LRP1B: variants seen among roughly 807,000 people sequenced by gnomAD.
LRP1B encodes the protein low-density lipoprotein receptor-related protein 1B.
A neutral mutation model predicts 556.6 loss-of-function variants in LRP1B; 217 were observed. That is an observed-to-expected ratio of 0.39 (90% CI 0.35 to 0.44). The LOEUF (loss-of-function observed/expected upper bound fraction) is 0.44, where lower values mean the gene tolerates loss of function less well. Among genes scored for constraint, LRP1B ranks in the 20% least tolerant of loss-of-function variants. LRP1B has a pLI of 1.00. For missense variants in LRP1B, 5,053 were observed against 5,620.8 expected, an observed-to-expected ratio of 0.90 and a Z score of 3.23; for synonymous variants, 2,047 against 1,865.8, an observed-to-expected ratio of 1.10 and a Z score of -2.50.
intron 1 of LRP1B, among the ~76,000 whole-genome samples, chr2:141,958,266 TGG>T (rs1295026549): frequency 2.0e-5 from 3 of 152,058 alleles, no homozygotes; most frequent in African/African-American, 7.2e-5. Flanking sequence ...AAGAGGCAGC[TGG>T]GTGGCACAGT....
intron 2 of LRP1B, among the ~76,000 whole-genome samples, chr2:141,598,046 G>C (rs1312587742): frequency 6.6e-6 from 1 of 151,464 alleles, no homozygotes; most frequent in Non-Finnish European, 1.5e-5. Context: ...GTATACAGAA[G>C]CTCACGGGAA....
chr2:140,994,735 TA>T (rs1191086175), intron 15 of LRP1B, among the ~76,000 whole-genome samples: 3 of 151,958 alleles, frequency 2.0e-5, no homozygotes, highest in African/African-American at 7.2e-5. Context: ...ATACATACAA[TA>T]AAAATAATGT....
chr2:140,442,636 A>G lies in LRP1B; in HGVS notation c.10295-13T>C. 6.2e-7 allele frequency: 1 copy of G among 1,611,346 alleles called. No homozygotes were observed. The highest frequency in any genetic ancestry group is 1.1e-5 in the South Asian group (1 of 90,480). On this transcript the variant is annotated splice_polypyrimidine_tract_variant and intron_variant, in intron 65 of 90. Transcript: ENST00000389484. ...CAGCTGTTTTCAGCTTAGAAAGAAA[A>G]CTGCCATTAAAATGTAGCTTTGGAG...
chr2:140,649,590 A>G (rs1460897410), intron 41 of LRP1B, among the ~76,000 whole-genome samples: 6 of 152,218 alleles, frequency 3.9e-5, no homozygotes, highest in Non-Finnish European at 8.8e-5. Context: ...AAAGACAAGT[A>G]TCCACTGCTA....
Position 140,233,034 on chromosome 2 carries a change from A to T in LRP1B, c.*152T>A. ...GGTCAATCAATAGTCATCAGCAAAA[A>T]ATAAAACCCAAAAAACTCAGAAAAC... On this transcript the variant is annotated 3_prime_UTR_variant, in exon 91 of 91. Coordinates refer to ENST00000389484, the MANE Select transcript of LRP1B (RefSeq NM_018557.3). 2.0e-6 allele frequency: 1 copy of T among 499,382 alleles called. No individual in the cohort carries two copies. Among genetic ancestry groups the T allele is most frequent in the South Asian group, 5.1e-5 (1 of 19,520 alleles). 30.9% of individuals were successfully genotyped at this position (499,382 alleles called of 1,614,324 possible).
At chr2:141,218,988 G>A (rs893178110) in intron 6 of LRP1B, among the ~76,000 whole-genome samples, 1 of 152,188 alleles carries the variant, frequency 6.6e-6, no homozygotes, top group Non-Finnish European at 1.5e-5. Context: ...CACAGGATAA[G>A]GGGAACTCTC....
intron 18 of LRP1B, among the ~76,000 whole-genome samples, chr2:140,964,305 A>G (rs1696129938): frequency 6.6e-6 from 1 of 152,172 alleles, no homozygotes; most frequent in South Asian, 2.1e-4. Context: ...GCACAGCATC[A>G]CAGGGAGACA....
chr2:141,672,508 A>T (rs764459854), intron 2 of LRP1B, among the ~76,000 whole-genome samples: 4 of 152,176 alleles, frequency 2.6e-5, no homozygotes, highest in Non-Finnish European at 5.9e-5. Flanking sequence ...ATCCTTTGTG[A>T]TTGCAGGACT....
At chr2:140,463,127 A>G (rs948315819) in intron 60 of LRP1B, among the ~76,000 whole-genome samples, 23 of 152,202 alleles carry the variant, frequency 1.5e-4, no homozygotes, top group Non-Finnish European at 1.5e-5. Context: ...ATGGCGGTAG[A>G]AAGTGATTTA....
chr2:140,744,359 C>T (rs541498594), intron 35 of LRP1B, among the ~76,000 whole-genome samples: 11 of 152,022 alleles, frequency 7.2e-5, no homozygotes, highest in Admixed American at 6.6e-4. Context: ...ATGGAAAATT[C>T]GTATTTTGAT....
chr2:141,585,087 T>G (rs60929679), intron 2 of LRP1B, among the ~76,000 whole-genome samples: 10,852 of 152,208 alleles, frequency 0.071, 462 homozygotes, highest in African/African-American at 0.11. Flanking sequence ...AGGAAAAACT[T>G]GTGAAATTAG....
intron 11 of LRP1B, among the ~76,000 whole-genome samples, chr2:141,031,671 T>C (rs1698375433): frequency 1.3e-5 from 2 of 151,970 alleles, no homozygotes; most frequent in Non-Finnish European, 2.9e-5. Context: ...AGACAACTTG[T>C]AGCACACTAG....
chr2:140,442,384 A>C, intron 66 of LRP1B, 120 bp downstream of exon 66: 1 of 1,320,372 alleles, frequency 7.6e-7, no homozygotes, highest in Non-Finnish European at 1.0e-6. Flanking sequence ...ACACAGAGAC[A>C]AAACCTTTTC....
chr2:141,304,585 T>C (rs1686517423), intron 3 of LRP1B, among the ~76,000 whole-genome samples: 2 of 150,534 alleles, frequency 1.3e-5, no homozygotes, highest in South Asian at 4.2e-4. Context: ...GTTCAAGCAA[T>C]TATCCTGCCT....
At chr2:141,197,336 G>T (rs2105216417) in intron 6 of LRP1B, among the ~76,000 whole-genome samples, 1 of 152,226 alleles carries the variant, frequency 6.6e-6, no homozygotes, top group East Asian at 1.9e-4. Context: ...GTTTAGCCTT[G>T]CTGGGGTTCT....
chr2:141,223,682 C>T (rs1240098491), intron 6 of LRP1B, among the ~76,000 whole-genome samples: 8 of 152,086 alleles, frequency 5.3e-5, no homozygotes, highest in Non-Finnish European at 7.4e-5. Context: ...GGTACAAAAA[C>T]AGACACAGAC....
chr2:141,737,711 G>C (rs1693539629), intron 2 of LRP1B, among the ~76,000 whole-genome samples: 1 of 152,102 alleles, frequency 6.6e-6, no homozygotes, highest in African/African-American at 2.4e-5. Context: ...CAGAATAGTG[G>C]ATTGCTTGTA....
intron 33 of LRP1B, among the ~76,000 whole-genome samples, chr2:140,771,536 C>T (rs115324394): frequency 0.015 from 2,299 of 151,986 alleles, 53 homozygotes; most frequent in African/African-American, 0.052. Flanking sequence ...ATAATTCTCC[C>T]GAAATATATG....
intron 41 of LRP1B, among the ~76,000 whole-genome samples, chr2:140,612,058 T>C (rs900031048): frequency 6.6e-6 from 1 of 152,072 alleles, no homozygotes. Context: ...AAGATTCTAA[T>C]TTACAAGCAA....
Sources: allele counts gnomAD v4.1 joint callset (sites outside exome capture counted in the v4.1 genomes callset), GRCh38; gene constraint gnomAD v4.1.1; transcripts MANE v1.5; gene names NCBI Gene and HGNC (gene_info 2026-07-23, HGNC 2026-07-21).